The following VWA3B variants were observed in gnomAD, a reference collection of about 807,000 sequenced individuals.
The protein encoded by VWA3B is von Willebrand factor A domain-containing protein 3B.
VWA3B carries 138 observed loss-of-function variants against 158.3 expected under a neutral mutation model. That is an observed-to-expected ratio of 0.87 (90% CI 0.76 to 1.00). The LOEUF is 1.00. Among genes scored for constraint, VWA3B ranks in the 50% least tolerant of loss-of-function variants. VWA3B has a pLI of 0.00. For missense variants in VWA3B, 1,555 were observed against 1,565.1 expected, an observed-to-expected ratio of 0.99 and a Z score of 0.11; for synonymous variants, 596 against 587.3, an observed-to-expected ratio of 1.01 and a Z score of -0.21.
chr2:98,252,101 C>G (rs1479943752), intron 20 of VWA3B, among the ~76,000 whole-genome samples: 2 of 152,114 alleles, frequency 1.3e-5, no homozygotes, highest in Admixed American at 1.3e-4. Flanking sequence ...CACCAATGAT[C>G]CTTCTCAGAG....
At chr2:98,107,055 T>C (rs935321514) in intron 2 of VWA3B, among the ~76,000 whole-genome samples, 17 of 152,312 alleles carry the variant, frequency 1.1e-4, no homozygotes, top group South Asian at 8.3e-4. Flanking sequence ...TTATTATTAA[T>C]GGGTGCTGAA....
chr2:98,324,378 G>T, the VWA3B span, among the ~76,000 whole-genome samples: 799 of 152,252 alleles, frequency 5.2e-3, 6 homozygotes, highest in African/African-American at 0.018. Context: ...GGCCAGACTA[G>T]TCTTGAACTC....
At chr2:98,184,466 A>C (rs566342169) in intron 9 of VWA3B, among the ~76,000 whole-genome samples, 1 of 152,324 alleles carries the variant, frequency 6.6e-6, no homozygotes, top group African/African-American at 2.4e-5. Context: ...CTGTAAATTC[A>C]TGCCCGCTCA....
chr2:98,131,172 T>C (rs1459734930), intron 6 of VWA3B, among the ~76,000 whole-genome samples: 2 of 152,322 alleles, frequency 1.3e-5, no homozygotes, highest in African/African-American at 4.8e-5. Flanking sequence ...GATCAACTTT[T>C]CCACCTCCTA....
Position 98,115,734 on chromosome 2 carries a change from C to A in VWA3B, c.279C>A (p.Gly93=), listed in dbSNP as rs1674483853. ...CACAGCTCTACAGAGCAGAAGATGG[C>A]AGAGTATACAATGTAAGTCAGAGTT... is the stretch of plus-strand genomic sequence containing the variant. ...LFPQLYRAED[G]RVYNLTAKSE... Residue 93 remains glycine, a synonymous_variant, in exon 3 of 28, where the codon GGC becomes GGA. Coordinates refer to ENST00000477737, the MANE Select transcript of VWA3B (RefSeq NM_144992.5). 1 of 1,612,800 alleles carries A rather than the reference C, an allele frequency of 6.2e-7. No individual in the cohort carries two copies. Among genetic ancestry groups the A allele is most frequent in the Non-Finnish European group, 8.5e-7 (1 of 1,179,862 alleles).
chr2:98,250,400 A>G lies in VWA3B; in HGVS notation c.2756A>G (p.Lys919Arg). The G allele has an allele frequency of 6.2e-7, 1 of 1,613,022 alleles. No homozygotes were observed. Among genetic ancestry groups the G allele is most frequent in the Non-Finnish European group, 8.5e-7 (1 of 1,179,680 alleles). The change falls in exon 20 of 28, where the codon AAG becomes AGG. Residue 919 changes from lysine to arginine, a missense_variant. Physicochemically the swap from Lys to Arg is conservative, Grantham distance 26. Transcript: ENST00000477737. ...CAAGGAGCCAAACTCAATATCTACA[A>G]GCGAAAAGTGGAACAGGCAATTCAA... The part of the protein sequence containing the change: ...NPQGAKLNIY[K>R]RKVEQAIQSY...
intron 12 of VWA3B, among the ~76,000 whole-genome samples, chr2:98,202,109 T>C (rs1337388836): frequency 6.6e-6 from 1 of 152,210 alleles, no homozygotes; most frequent in Non-Finnish European, 1.5e-5. Context: ...CTTAACTGTT[T>C]GGTAGAATTT....
At chr2:98,174,755 G>T (rs1386761814) in intron 8 of VWA3B, among the ~76,000 whole-genome samples, 1 of 152,144 alleles carries the variant, frequency 6.6e-6, no homozygotes, top group African/African-American at 2.4e-5. Context: ...ACTCAGGAGG[G>T]CCCTAAGCTC....
chr2:98,120,339 A>G (rs960407966), intron 4 of VWA3B, among the ~76,000 whole-genome samples: 1 of 152,240 alleles, frequency 6.6e-6, no homozygotes, highest in African/African-American at 2.4e-5. Context: ...CTGACAAAAA[A>G]CATCTGGATA....
In VWA3B at chr2:98,188,127, G is replaced by A. The variant is rs774229847; in HGVS notation, c.1464G>A (p.Arg488=). The change falls in exon 10 of 28, where the codon AGG becomes AGA. Residue 488 remains arginine (R), a splice_region_variant and synonymous_variant. Transcript: ENST00000477737. ...RIHTALARIR[R]RIKWLQDGSQ... is the part of the protein sequence containing the mutation. ...ACACAGCCCTGGCCCGGATCCGAAG[G>A]AGGTTGGTGTTATTTGCAGGAAGTT... The A allele has an allele frequency of 6.3e-5, 102 of 1,609,606 alleles. No individual in the cohort carries two copies. Among genetic ancestry groups the A allele is most frequent in the Non-Finnish European group, 8.1e-5 (95 of 1,178,012 alleles).
At chr2:98,199,870 G>A (rs1387598580) in intron 12 of VWA3B, among the ~76,000 whole-genome samples, 1 of 152,180 alleles carries the variant, frequency 6.6e-6, no homozygotes, top group African/African-American at 2.4e-5. Context: ...TAAATATCTA[G>A]AAGTGAGATT....
intron 7 of VWA3B, among the ~76,000 whole-genome samples, chr2:98,139,321 C>T (rs560122431): frequency 1.3e-4 from 20 of 152,366 alleles, no homozygotes; most frequent in East Asian, 5.8e-4. Flanking sequence ...CAAGCCTCCC[C>T]GACGAGCGCC....
chr2:98,319,753 G>A, the VWA3B span, among the ~76,000 whole-genome samples: 1 of 151,954 alleles, frequency 6.6e-6, no homozygotes, highest in African/African-American at 2.4e-5. Flanking sequence ...GGTGGTGCAT[G>A]CCTGTAATCC....
intron 19 of VWA3B, chr2:98,245,303 A>C (rs1425489470): frequency 3.7e-6 from 1 of 273,110 alleles, no homozygotes; most frequent in African/African-American, 2.2e-5. Flanking sequence ...TTGCTTTCTT[A>C]CAGAAGCCGG....
intron 8 of VWA3B, among the ~76,000 whole-genome samples, chr2:98,166,009 C>T (rs372395925): frequency 8.1e-4 from 123 of 152,178 alleles, no homozygotes; most frequent in Non-Finnish European, 1.5e-3. Flanking sequence ...AAGCCCCCAT[C>T]ATGAGACTGT....
intron 12 of VWA3B, among the ~76,000 whole-genome samples, chr2:98,208,642 T>C (rs913502957): frequency 6.6e-6 from 1 of 152,230 alleles, no homozygotes; most frequent in African/African-American, 2.4e-5. Flanking sequence ...AAGTTAAGTG[T>C]AGCAACCTTA....
chr2:98,311,876 C>T lies in VWA3B; in HGVS notation c.3579C>T (p.Asp1193=), dbSNP rs925960897. Residue 1193 remains aspartate (D), a synonymous_variant, in exon 27 of 28, where the codon GAC becomes GAT. Coordinates refer to ENST00000477737, the MANE Select transcript of VWA3B (RefSeq NM_144992.5). ...TCTTCTGGCCACTGAAAGAAGCGGACACGCAGGATTCCAGAGAGCCAAGAC... is the reference window on the plus strand; with the variant it reads ...TCTTCTGGCCACTGAAAGAAGCGGATACGCAGGATTCCAGAGAGCCAAGAC... ...AFLFWPLKEA[D]TQDSREPRRE... 4 of 1,612,346 alleles carry T rather than the reference C, an allele frequency of 2.5e-6. No individual in the cohort carries two copies. In the African/African-American group the frequency reaches 5.3e-5, roughly 22 times the overall value.
At chr2:98,317,039 G>T (rs1159251529), downstream of VWA3B, among the ~76,000 whole-genome samples, 4 of 152,150 alleles carry the variant, frequency 2.6e-5, no homozygotes, top group East Asian at 7.7e-4. Context: ...TAAGCAGGTA[G>T]GTGAATTCAC....
chr2:98,212,188 G>A lies in VWA3B; in HGVS notation c.1836+160G>A. On this transcript the variant is annotated intron_variant, in intron 13 of 27. Coordinates refer to ENST00000477737, the MANE Select transcript of VWA3B (RefSeq NM_144992.5). ...TCTGAGGTGAGAAAATACACTGAAA[G>A]ATTCTTTTGTCTCTGGAAACTCTGA... 3 of 569,836 alleles carry A rather than the reference G, an allele frequency of 5.3e-6. No homozygotes were observed. The South Asian group carries it at 7.6e-5, about 14-fold the overall frequency. The allele number at this position is 569,836 out of a possible 1,614,324, so 35.3% of individuals were successfully genotyped here. A position where few individuals can be genotyped will look rare whatever the true frequency, so the allele number is the denominator to read the frequency against.
Sources: gnomAD v4.1 joint callset for allele counts (sites outside exome capture counted in the v4.1 genomes callset) on GRCh38, gnomAD v4.1.1 for gene constraint, MANE v1.5 for transcripts, NCBI Gene and HGNC (gene_info 2026-07-23, HGNC 2026-07-21) for gene names.